Variants in RIN2 observed in about 807,000 individuals in gnomAD.
The protein encoded by RIN2 is RAB5 interacting protein 2.
Under a neutral mutation model 78.0 loss-of-function variants are expected in RIN2, and 36 were observed. The ratio of observed to expected loss-of-function variants is 0.46; its 90% confidence interval spans 0.35 to 0.61. The LOEUF is 0.61. RIN2 is among the 20% of genes least tolerant of loss of function. The pLI is 0.00. For missense variants in RIN2, 1,087 were observed against 1,159.7 expected (o/e 0.94, Z 0.91); for synonymous variants, 466 against 466.8 (o/e 1.00, Z 0.02).
intron 2 of RIN2, among the ~76,000 whole-genome samples, chr20:19,803,371 A>C (rs567774544): frequency 3.9e-5 from 6 of 152,232 alleles, no homozygotes; most frequent in Non-Finnish European, 7.3e-5. Flanking sequence ...CCAAAACAGC[A>C]TGATACTGGT....
At chr20:19,842,387 CTTTTTTT>C (rs139642869) in intron 2 of RIN2, among the ~76,000 whole-genome samples, 1,325 of 46,132 alleles carry the variant, frequency 0.029, 12 homozygotes, top group African/African-American at 0.093. Flanking sequence ...CCATCCCTGG[CTTTTTTT>C]TTTTTTTTTT....
At chr20:19,925,924 G>A (rs1409939676) in intron 3 of RIN2, among the ~76,000 whole-genome samples, 1 of 152,180 alleles carries the variant, frequency 6.6e-6, no homozygotes, top group Non-Finnish European at 1.5e-5. Context: ...CCCTGCCTGT[G>A]ATAGCAAAAC....
chr20:19,994,261 G>C (rs2042887956), intron 11 of RIN2, among the ~76,000 whole-genome samples: 2 of 152,238 alleles, frequency 1.3e-5, no homozygotes, highest in Admixed American at 6.5e-5. Flanking sequence ...TCACAGACCA[G>C]GCCTGCACAG....
intron 4 of RIN2, among the ~76,000 whole-genome samples, chr20:19,947,014 G>T (rs2041123082): frequency 7.2e-6 from 1 of 139,708 alleles, no homozygotes; most frequent in Non-Finnish European, 1.5e-5. Flanking sequence ...CTGGGTGTCA[G>T]ACTGTCTTAA....
intron 2 of RIN2, among the ~76,000 whole-genome samples, chr20:19,880,294 A>G (rs965495061): frequency 6.6e-6 from 1 of 151,486 alleles, no homozygotes; most frequent in African/African-American, 2.4e-5. Context: ...TTGTGGGTCA[A>G]CAGCATGGTA....
intron 1 of RIN2, among the ~76,000 whole-genome samples, chr20:19,762,222 A>G (rs1390068054): frequency 6.6e-6 from 1 of 152,186 alleles, no homozygotes; most frequent in East Asian, 1.9e-4. Flanking sequence ...AGGTATTTTT[A>G]AATCAGAGTT....
At chr20:19,894,691 G>A (rs1159497672) in intron 3 of RIN2, among the ~76,000 whole-genome samples, 1 of 152,136 alleles carries the variant, frequency 6.6e-6, no homozygotes, top group East Asian at 1.9e-4. Context: ...TTTGTGTAAA[G>A]CAGAGATAAT....
chr20:19,934,745 G>T, intron 3 of RIN2: 1 of 322,634 alleles, frequency 3.1e-6, no homozygotes. Context: ...TTGAGGCCCG[G>T]TTTTGCCAGG....
chr20:19,936,159 T>C (rs1249218191), intron 4 of RIN2, among the ~76,000 whole-genome samples: 1 of 152,204 alleles, frequency 6.6e-6, no homozygotes, highest in African/African-American at 2.4e-5. Context: ...TGATACCCGA[T>C]GTCTCTGGGG....
intron 4 of RIN2, among the ~76,000 whole-genome samples, chr20:19,940,969 G>A (rs958117559): frequency 2.6e-5 from 4 of 152,210 alleles, no homozygotes; most frequent in Non-Finnish European, 5.9e-5. Context: ...AGGTCAGTGA[G>A]AACTGCAGCT....
At chr20:19,833,796 G>A (rs1183613766) in intron 2 of RIN2, among the ~76,000 whole-genome samples, 4 of 152,136 alleles carry the variant, frequency 2.6e-5, no homozygotes, top group Non-Finnish European at 4.4e-5. Flanking sequence ...CCCACAGCCC[G>A]TGGCTGACTA....
chr20:19,851,904 T>C (rs2036993393), intron 2 of RIN2, among the ~76,000 whole-genome samples: 1 of 152,130 alleles, frequency 6.6e-6, no homozygotes, highest in Non-Finnish European at 1.5e-5. Context: ...CACTTACGTA[T>C]GCAGGCTGGC....
At chr20:19,787,677 G>A (rs2122586213) in intron 1 of RIN2, among the ~76,000 whole-genome samples, 1 of 152,232 alleles carries the variant, frequency 6.6e-6, no homozygotes, top group South Asian at 2.1e-4. Flanking sequence ...AGACATAAAT[G>A]GCTTAATACA....
At chr20:19,807,863 T>C (rs1161955749) in intron 2 of RIN2, among the ~76,000 whole-genome samples, 1 of 152,212 alleles carries the variant, frequency 6.6e-6, no homozygotes, top group East Asian at 1.9e-4. Context: ...GGCAAAGCTT[T>C]TATGTTGGTT....
chr20:19,773,796 T>C (rs2122448354), intron 1 of RIN2, among the ~76,000 whole-genome samples: 1 of 152,068 alleles, frequency 6.6e-6, no homozygotes, highest in Admixed American at 6.6e-5. Flanking sequence ...TGCGGTACAA[T>C]TTCAAAATGC....
intron 1 of RIN2, among the ~76,000 whole-genome samples, chr20:19,779,059 C>T (rs1248370878): frequency 6.6e-6 from 1 of 152,060 alleles, no homozygotes; most frequent in Non-Finnish European, 1.5e-5. Flanking sequence ...GTGGGTGATC[C>T]CACGAGAGCA....
chr20:19,972,701 A>G (rs2042145557), intron 8 of RIN2, among the ~76,000 whole-genome samples: 1 of 152,170 alleles, frequency 6.6e-6, no homozygotes, highest in South Asian at 2.1e-4. Context: ...TGTAGTTTAT[A>G]TGGGAGATAG....
At chr20:19,912,168 G>C (rs970494397) in intron 3 of RIN2, among the ~76,000 whole-genome samples, 1 of 152,210 alleles carries the variant, frequency 6.6e-6, no homozygotes, top group African/African-American at 2.4e-5. Flanking sequence ...ACGTCAACTG[G>C]ACCCAGACAA....
Position 20,001,197 on chromosome 20 carries a change from C to G in RIN2, c.*261C>G. 1 of 462,312 alleles carries G rather than the reference C, an allele frequency of 2.2e-6. No homozygotes were observed. Among genetic ancestry groups the G allele is most frequent in the Non-Finnish European group, 3.9e-6 (1 of 256,236 alleles). The allele number at this position is 462,312 out of a possible 1,614,324, so 28.6% of individuals were successfully genotyped here. ...GTGTCCTGAGATTGTTTGCTACCTACCCCCAGTCAGGTTCTAGGTTGGCTT... is the reference window on the plus strand; with the variant it reads ...GTGTCCTGAGATTGTTTGCTACCTAGCCCCAGTCAGGTTCTAGGTTGGCTT... On this transcript the variant is annotated 3_prime_UTR_variant, in exon 13 of 13. Coordinates refer to ENST00000255006, the MANE Select transcript of RIN2 (RefSeq NM_018993.4).
Sources: gnomAD v4.1 joint callset for allele counts (sites outside exome capture counted in the v4.1 genomes callset) on GRCh38, gnomAD v4.1.1 for gene constraint, MANE v1.5 for transcripts, NCBI Gene and HGNC (gene_info 2026-07-23, HGNC 2026-07-21) for gene names.